Variants in CNTN1 observed in about 807,000 individuals in gnomAD.
CNTN1 encodes contactin 1.
Under a neutral mutation model 126.4 loss-of-function variants are expected in CNTN1, and 38 were observed. The observed-to-expected ratio is 0.30, with a 90% confidence interval of 0.23 to 0.39. The LOEUF is 0.39. CNTN1 is among the 10% of genes least tolerant of loss of function. The pLI, the probability that CNTN1 is intolerant of heterozygous loss-of-function variation, is 1.00. For missense variants in CNTN1, 1,009 were observed against 1,248.4 expected (o/e 0.81, Z 2.89); for synonymous variants, 413 against 422.6 (o/e 0.98, Z 0.28).
At chr12:40,761,805 C>A (rs1198796893) in intron 1 of CNTN1, among the ~76,000 whole-genome samples, 2 of 152,112 alleles carry the variant, frequency 1.3e-5, no homozygotes, top group Admixed American at 6.6e-5. Context: ...TAAAATGTTA[C>A]TTTAGAATAG....
At chr12:40,836,183 T>C (rs904466118) in intron 1 of CNTN1, among the ~76,000 whole-genome samples, 3 of 147,850 alleles carry the variant, frequency 2.0e-5, no homozygotes, top group Admixed American at 6.8e-5. Context: ...TATGTGTATA[T>C]ATAGTATATA....
rs536846250 is a variant in CNTN1 at position 40,817,714 on chromosome 12, C to T, written c.-76-90643C>T. On this transcript the variant is annotated intron_variant, in intron 1 of 23. Transcript: ENST00000551295. ...CGAGTTTGATCCTATCATCATGATG[C>T]TATTTGGCTATTTTGCACACTAGTT... Among the ~76,000 whole-genome samples, 8 of 151,904 alleles carry T rather than the reference C, an allele frequency of 5.3e-5. No homozygotes were observed. The South Asian group carries it at 1.0e-3, about 20-fold the overall frequency.
intron 1 of CNTN1, among the ~76,000 whole-genome samples, chr12:40,888,876 A>G (rs868416545): frequency 2.0e-5 from 3 of 152,232 alleles, no homozygotes; most frequent in Non-Finnish European, 2.9e-5. Flanking sequence ...CTGATTTAGC[A>G]TCTAGGAGAC....
At chr12:40,788,838 T>C (rs949806301) in intron 1 of CNTN1, among the ~76,000 whole-genome samples, 1 of 152,136 alleles carries the variant, frequency 6.6e-6, no homozygotes, top group Non-Finnish European at 1.5e-5. Context: ...ACATATATCA[T>C]ACATCGTGCT....
At position 40,813,771 on chromosome 12, in the gene CNTN1, C is replaced by T. The variant is rs146569987; in HGVS notation, c.-76-94586C>T. Among the ~76,000 whole-genome samples, 852 of 152,296 alleles carry T rather than the reference C, an allele frequency of 5.6e-3. 9 individuals are homozygous for T. The highest frequency in any genetic ancestry group is 0.019 in the African/African-American group (781 of 41,548). On this transcript the variant is annotated intron_variant, in intron 1 of 23. Transcript: ENST00000551295. ...TCTAGATCCTTGAGGAATCACCATA[C>T]TGTCTTCCACAATGGTTGAACTAAT...
chr12:41,027,415 A>T (rs1297305944), intron 21 of CNTN1, among the ~76,000 whole-genome samples: 1 of 152,184 alleles, frequency 6.6e-6, no homozygotes, highest in African/African-American at 2.4e-5. Flanking sequence ...GCAGCCCATG[A>T]GGTAGAAGGA....
At chr12:40,854,456 T>A (rs775942786) in intron 1 of CNTN1, among the ~76,000 whole-genome samples, 5 of 152,074 alleles carry the variant, frequency 3.3e-5, no homozygotes, top group Non-Finnish European at 5.9e-5. Flanking sequence ...GATTTAAAAG[T>A]TTGGTCATGG....
rs180996427 is a variant in CNTN1, at chr12:40,987,978, C to A, written c.1964-5142C>A. On this transcript the variant is annotated intron_variant, in intron 16 of 23. Coordinates refer to ENST00000551295, the MANE Select transcript of CNTN1 (RefSeq NM_001843.4). The stretch of plus-strand genomic sequence containing the variant: ...TTCTGTTTCTTCAGTTTTTGTAGTT[C>A]TCATTTCAAACATGAATTTCTAGAT... Among the ~76,000 whole-genome samples, 579 of 141,164 alleles carry A rather than the reference C, an allele frequency of 4.1e-3. 3 individuals are homozygous for A. Among genetic ancestry groups the A allele is most frequent in the African/African-American group, 0.014 (542 of 38,462 alleles). The allele number at this position is 141,164 out of a possible 152,430, so 92.6% of individuals were successfully genotyped here. A position where few individuals can be genotyped will look rare whatever the true frequency, so the allele number is the denominator to read the frequency against.
At chr12:40,756,248 T>C (rs1938605604) in intron 1 of CNTN1, among the ~76,000 whole-genome samples, 1 of 151,994 alleles carries the variant, frequency 6.6e-6, no homozygotes, top group African/African-American at 2.4e-5. Context: ...TTTTAGGTCT[T>C]GGTGTGGTAG....
At position 40,903,420 on chromosome 12, in the gene CNTN1, T is replaced by C. The variant is rs1281078738; in HGVS notation, c.-76-4937T>C. ...TTTTTTTTTTGCCTCTGTCACTTCA[T>C]TTTTTGCAACACTTTCAGGTCCATG... On this transcript the variant is annotated intron_variant, in intron 1 of 23. Transcript: ENST00000551295. 2.1e-5 allele frequency among the ~76,000 whole-genome samples: 3 copies of C among 141,658 alleles called. No individual in the cohort carries two copies. In the Admixed American group the frequency reaches 2.1e-4, roughly 10 times the overall value. The allele number at this position is 141,658 out of a possible 152,430, so 92.9% of individuals were successfully genotyped here. A position where few individuals can be genotyped will look rare whatever the true frequency, so the allele number is the denominator to read the frequency against.
chr12:41,005,164 G>C (rs1055774495), intron 17 of CNTN1: 7 of 152,028 alleles, frequency 4.6e-5, no homozygotes, highest in Admixed American at 3.9e-4. Context: ...ATCTGAAAAG[G>C]ATCTTATTTC....
At chr12:40,963,236 C>A (rs541785609) in intron 15 of CNTN1, among the ~76,000 whole-genome samples, 20 of 152,132 alleles carry the variant, frequency 1.3e-4, no homozygotes, top group African/African-American at 4.6e-4. Context: ...TGGCAAAAAA[C>A]CCGTCTCTAC....
In CNTN1 at chr12:40,930,019, T is replaced by A. The variant is rs182672697; in HGVS notation, c.703+17T>A. The A allele has an allele frequency of 5.7e-6, 9 of 1,579,350 alleles. No homozygotes were observed. In the Admixed American group the frequency reaches 1.3e-4, roughly 23 times the overall value. On this transcript the variant is annotated intron_variant, in intron 7 of 23. Transcript: ENST00000551295. ...TACCTGAACGTAAGTATTTTATTTG[T>A]TACACTCTGTTTTCGCAAGGTTATC...
chr12:40,888,744 TAGAG>T (rs1239135800), intron 1 of CNTN1, among the ~76,000 whole-genome samples: 2 of 152,186 alleles, frequency 1.3e-5, no homozygotes, highest in African/African-American at 2.4e-5. Context: ...CTGGGCCTGA[TAGAG>T]AGACTACGGG....
chr12:40,983,726 C>A (rs11179310), intron 16 of CNTN1, among the ~76,000 whole-genome samples: 4 of 147,750 alleles, frequency 2.7e-5, no homozygotes, highest in African/African-American at 7.4e-5. Context: ...TGTGCTATTA[C>A]AGTACTATAT....
chr12:40,879,750 G>A (rs1943809217), intron 1 of CNTN1, among the ~76,000 whole-genome samples: 1 of 152,070 alleles, frequency 6.6e-6, no homozygotes, highest in African/African-American at 2.4e-5. Flanking sequence ...GACAGGTTAT[G>A]AAGTTCACAG....
At chr12:40,993,614 T>C (rs1276069428) in intron 17 of CNTN1, among the ~76,000 whole-genome samples, 1 of 152,182 alleles carries the variant, frequency 6.6e-6, no homozygotes, top group Non-Finnish European at 1.5e-5. Flanking sequence ...AAATTCTGAA[T>C]CTTAACTAGG....
intron 1 of CNTN1, among the ~76,000 whole-genome samples, chr12:40,884,677 T>C (rs1212320591): frequency 6.6e-6 from 1 of 151,498 alleles, no homozygotes; most frequent in Non-Finnish European, 1.5e-5. Flanking sequence ...TTAAGTTGCA[T>C]TTTTTATTCA....
intron 23 of CNTN1, among the ~76,000 whole-genome samples, chr12:41,048,979 G>A (rs991469020): frequency 6.6e-6 from 1 of 152,036 alleles, no homozygotes; most frequent in Admixed American, 6.6e-5. Context: ...AGCTCTTGTC[G>A]AGGTTGCTAA....
Sources: gnomAD v4.1 joint callset for allele counts (sites outside exome capture counted in the v4.1 genomes callset) on GRCh38, gnomAD v4.1.1 for gene constraint, MANE v1.5 for transcripts, NCBI Gene and HGNC (gene_info 2026-07-23, HGNC 2026-07-21) for gene names.